Variants in RAP1GDS1 observed in about 807,000 individuals in gnomAD.
The protein encoded by RAP1GDS1 is RAP1, GTP-GDP dissociation stimulator 1.
In RAP1GDS1, 35 loss-of-function variants were observed where a neutral mutation model predicts 71.1. The ratio of observed to expected loss-of-function variants is 0.49; its 90% confidence interval spans 0.38 to 0.65. The LOEUF is 0.65. RAP1GDS1 is among the 30% of genes least tolerant of loss of function. The pLI is 0.00. For missense variants in RAP1GDS1, 663 were observed against 706.1 expected (o/e 0.94, Z 0.69); for synonymous variants, 229 against 243.1 (o/e 0.94, Z 0.54).
intron 9 of RAP1GDS1, 32 bp downstream of exon 9, chr4:98,417,530 A>G: frequency 6.2e-7 from 1 of 1,602,028 alleles, no homozygotes; most frequent in Non-Finnish European, 8.5e-7. Context: ...TTGTTAGTCA[A>G]ATACTCTATA....
At chr4:98,328,466 G>C (rs1462889053) in intron 2 of RAP1GDS1, among the ~76,000 whole-genome samples, 1 of 152,142 alleles carries the variant, frequency 6.6e-6, no homozygotes, top group Non-Finnish European at 1.5e-5. Flanking sequence ...CGGGTGGTTT[G>C]GTGAACTTTC....
At chr4:98,408,412 C>T (rs1746484116) in intron 7 of RAP1GDS1, among the ~76,000 whole-genome samples, 1 of 152,174 alleles carries the variant, frequency 6.6e-6, no homozygotes, top group Admixed American at 6.5e-5. Context: ...GGATTACAGG[C>T]ATGAGCCACC....
chr4:98,278,549 TTTAA>T, intron 1 of RAP1GDS1, among the ~76,000 whole-genome samples: 2 of 152,334 alleles, frequency 1.3e-5, no homozygotes, highest in East Asian at 3.9e-4. Context: ...AAACTGAATT[TTTAA>T]TTAATCAGAA....
intron 2 of RAP1GDS1, among the ~76,000 whole-genome samples, chr4:98,332,817 G>GT (rs780056576): frequency 1.3e-5 from 2 of 152,074 alleles, no homozygotes; most frequent in East Asian, 1.9e-4. Context: ...TTTTAGTTTT[G>GT]TATCAGTGTA....
intron 13 of RAP1GDS1, among the ~76,000 whole-genome samples, chr4:98,434,404 C>T (rs1281755028): frequency 6.6e-6 from 1 of 152,084 alleles, no homozygotes; most frequent in Non-Finnish European, 1.5e-5. Context: ...GAGTCTGCTA[C>T]TCTCCCAGTG....
chr4:98,276,365 T>A (rs1724202313), intron 1 of RAP1GDS1, among the ~76,000 whole-genome samples: 2 of 152,084 alleles, frequency 1.3e-5, no homozygotes, highest in Non-Finnish European at 2.9e-5. Flanking sequence ...AAAATGTAAA[T>A]CTGATTGTTT....
intron 6 of RAP1GDS1, among the ~76,000 whole-genome samples, chr4:98,397,813 A>G (rs1032651047): frequency 1.3e-5 from 2 of 152,160 alleles, no homozygotes; most frequent in Admixed American, 6.6e-5. Context: ...GGAGGATATG[A>G]CACTAAATTG....
intron 13 of RAP1GDS1, among the ~76,000 whole-genome samples, chr4:98,436,159 T>G (rs1483516489): frequency 6.6e-6 from 1 of 152,110 alleles, no homozygotes; most frequent in Non-Finnish European, 1.5e-5. Flanking sequence ...GATGTCTAAT[T>G]GTACTAGCAC....
At chr4:98,308,663 T>C (rs1448748083) in intron 2 of RAP1GDS1, among the ~76,000 whole-genome samples, 1 of 152,048 alleles carries the variant, frequency 6.6e-6, no homozygotes, top group Admixed American at 6.6e-5. Context: ...CAACAAAGTT[T>C]TATAATCTTT....
chr4:98,381,490 A>ATGTT (rs1742017778), intron 5 of RAP1GDS1, among the ~76,000 whole-genome samples: 1 of 151,612 alleles, frequency 6.6e-6, no homozygotes, highest in Admixed American at 6.6e-5. Context: ...CTTAAAATTT[A>ATGTT]TGTTTGAAGA....
intron 2 of RAP1GDS1, among the ~76,000 whole-genome samples, chr4:98,342,643 A>G (rs1271126930): frequency 1.3e-5 from 2 of 152,192 alleles, no homozygotes; most frequent in African/African-American, 2.4e-5. Context: ...CATAGGAGTC[A>G]TAGGAACCAT....
chr4:98,441,558 A>G (rs555670028), intron 14 of RAP1GDS1: 1 of 984,088 alleles, frequency 1.0e-6, no homozygotes, highest in Admixed American at 6.1e-5. Context: ...ATAACTCATT[A>G]TTGTAATTAA....
chr4:98,384,088 T>C (rs1232832982), intron 5 of RAP1GDS1, among the ~76,000 whole-genome samples: 1 of 151,624 alleles, frequency 6.6e-6, no homozygotes, highest in Non-Finnish European at 1.5e-5. Context: ...ATTTATTATC[T>C]TTTTTAAAGT....
intron 2 of RAP1GDS1, among the ~76,000 whole-genome samples, chr4:98,302,530 A>C (rs901818136): frequency 1.3e-5 from 2 of 152,218 alleles, no homozygotes; most frequent in Non-Finnish European, 2.9e-5. Flanking sequence ...CAGAAGAAGG[A>C]AAACAAAATG....
intron 13 of RAP1GDS1, among the ~76,000 whole-genome samples, chr4:98,435,947 T>C (rs1751067768): frequency 6.6e-6 from 1 of 151,514 alleles, no homozygotes; most frequent in Non-Finnish European, 1.5e-5. Flanking sequence ...GGCGGGCTCC[T>C]GTAGTCCCAG....
intron 4 of RAP1GDS1, among the ~76,000 whole-genome samples, chr4:98,369,887 G>C (rs938776943): frequency 4.6e-5 from 7 of 152,094 alleles, no homozygotes; most frequent in Non-Finnish European, 1.0e-4. Flanking sequence ...AATCCAATTA[G>C]AATCTAAACA....
At chr4:98,368,364 G>A (rs768169326) in intron 4 of RAP1GDS1, among the ~76,000 whole-genome samples, 4 of 152,028 alleles carry the variant, frequency 2.6e-5, no homozygotes, top group Non-Finnish European at 5.9e-5. Flanking sequence ...AACTAATACT[G>A]TATGTATTAC....
chr4:98,339,489 A>G (rs1475472427), intron 2 of RAP1GDS1, among the ~76,000 whole-genome samples: 2 of 152,230 alleles, frequency 1.3e-5, no homozygotes, highest in Admixed American at 6.5e-5. Context: ...TAAAATGTCA[A>G]TAGTAGTCTG....
rs115566540 is a variant in RAP1GDS1, at chr4:98,417,227, A to G, written c.908-140A>G. The stretch of plus-strand genomic sequence containing the variant: ...TAGTATCTATTAAATGTTTATTATA[A>G]AAAGAATCATTACTTTTCCCATTAT... On this transcript the variant is annotated intron_variant, in intron 8 of 14. Transcript: ENST00000408927. 26,546 of 924,310 alleles carry G rather than the reference A, an allele frequency of 0.029. 497 individuals are homozygous for G. Among genetic ancestry groups the G allele is most frequent in the Non-Finnish European group, 0.036 (22,296 of 624,414 alleles). The allele number at this position is 924,310 out of a possible 1,614,324, so 57.3% of individuals were successfully genotyped here.
Sources: gnomAD v4.1 joint callset for allele counts (sites outside exome capture counted in the v4.1 genomes callset) on GRCh38, gnomAD v4.1.1 for gene constraint, MANE v1.5 for transcripts, NCBI Gene and HGNC (gene_info 2026-07-23, HGNC 2026-07-21) for gene names.